KIF22: variants seen among roughly 807,000 people sequenced by gnomAD.
The protein encoded by KIF22 is kinesin family member 22, also known as kinesin-like protein KIF22.
KIF22 carries 62 observed loss-of-function variants against 73.0 expected under a neutral mutation model. The observed-to-expected ratio is 0.85, with a 90% CI of 0.69 to 1.05. The LOEUF is 1.05. Ranked by LOEUF, KIF22 falls within the 50% of genes least tolerant of loss-of-function variation. KIF22 has a pLI of 0.00. For synonymous variants in KIF22, 411 were observed against 340.1 expected (o/e 1.21, Z -2.29); for missense variants, 854 against 870.1 (o/e 0.98, Z 0.23).
intron 1 of KIF22, among the ~76,000 whole-genome samples, chr16:29,792,204 A>C (rs1348716349): frequency 6.6e-6 from 1 of 152,168 alleles, no homozygotes; most frequent in Non-Finnish European, 1.5e-5. Flanking sequence ...CATCAATAAA[A>C]GGGAGAAGAG....
chr16:29,804,384 C>T (rs1899267501), intron 11 of KIF22: 1 of 607,368 alleles, frequency 1.6e-6, no homozygotes, highest in African/African-American at 1.8e-5. Context: ...CACACATATG[C>T]ACATACCCAG....
At chr16:29,793,177 T>C (rs1898861300) in intron 1 of KIF22, among the ~76,000 whole-genome samples, 1 of 152,156 alleles carries the variant, frequency 6.6e-6, no homozygotes, top group Non-Finnish European at 1.5e-5. Flanking sequence ...TCGGCTGGGC[T>C]CACGCCTGTA....
chr16:29,804,565 G>C (rs1369848761), intron 11 of KIF22: 2 of 684,056 alleles, frequency 2.9e-6, no homozygotes, highest in South Asian at 1.5e-5. Context: ...TAACTCACTT[G>C]ATCTCCACAG....
intron 1 of KIF22, among the ~76,000 whole-genome samples, chr16:29,792,729 G>GAGC (rs1898850576): frequency 1.3e-5 from 2 of 152,172 alleles, no homozygotes; most frequent in East Asian, 1.9e-4. Context: ...GTGGGGTGGG[G>GAGC]AGCAATGCAG....
At position 29,802,831 on chromosome 16, in the gene KIF22, G is replaced by A. The variant is rs896342388; in HGVS notation, c.1343G>A (p.Arg448His). ...AMLERLLSLD[R>H]LLASQGSQGA... ...CTGGAGCGCCTCCTCAGCTTGGACCGTCTGCTTGCCTCCCAGGGGAGCCAG... is the reference window on the plus strand; with the variant it reads ...CTGGAGCGCCTCCTCAGCTTGGACCATCTGCTTGCCTCCCAGGGGAGCCAG... Residue 448 changes from arginine (R) to histidine (H), a missense_variant, in exon 9 of 14, where the codon CGT becomes CAT. Arg to His is a conservative substitution (Grantham distance 29, BLOSUM62 0). Transcript: ENST00000160827. 41 of 1,610,916 alleles carry A rather than the reference G, an allele frequency of 2.5e-5. No individual in the cohort carries two copies. Among genetic ancestry groups the A allele is most frequent in the Admixed American group, 3.4e-5 (2 of 59,400 alleles).
At position 29,805,026 on chromosome 16, in the gene KIF22, G is replaced by C; in HGVS notation, c.1890G>C (p.Gln630His). ...GWRELHGPFS[Q>H]VEDLERVEGI... ...GGGAGCTCCACGGCCCCTTCAGCCA[G>C]GTAGCAGCCCACTGGACTGGGGGAG... The change falls in exon 12 of 14, where the codon CAG becomes CAC. Residue 630 changes from glutamine (Q) to histidine (H), a missense_variant and splice_region_variant. By Grantham distance (24) the Gln-to-His change is conservative. Transcript: ENST00000160827. The C allele has an allele frequency of 6.2e-7, 1 of 1,611,282 alleles. No homozygotes were observed. The highest frequency in any genetic ancestry group is 8.5e-7 in the Non-Finnish European group (1 of 1,178,846).
chr16:29,790,982 C>G, intron 1 of KIF22, 153 bp downstream of exon 1: 6 of 1,462,254 alleles, frequency 4.1e-6, no homozygotes, highest in Non-Finnish European at 5.4e-6. Flanking sequence ...TGTGGGGTCG[C>G]GAGCCGGTCG....
chr16:29,797,004 G>A lies in KIF22; in HGVS notation c.182G>A (p.Ser61Asn). Reference protein sequence around the residue: ...RPFVDGTAGASDPPCVRGMDS... With the variant: ...RPFVDGTAGANDPPCVRGMDS... Reference sequence around the variant, plus strand: ...TTTGTGGATGGAACAGCGGGAGCAAGTGATCCCCCCTGTGTGCGGGGCATG... The same window carrying A: ...TTTGTGGATGGAACAGCGGGAGCAAATGATCCCCCCTGTGTGCGGGGCATG... The change falls in exon 2 of 14, where the codon AGT becomes AAT. Residue 61 changes from serine (S) to asparagine (N), a missense_variant. Physicochemically the swap from Ser to Asn is conservative, Grantham distance 46. Transcript: ENST00000160827. The surrounding 1 kb of genome is among the most constrained non-coding windows in gnomAD (Gnocchi z 4.1). 1 of 1,614,088 alleles carries A rather than the reference G, an allele frequency of 6.2e-7. No homozygotes were observed. The highest frequency in any genetic ancestry group is 8.5e-7 in the Non-Finnish European group (1 of 1,179,960).
intron 11 of KIF22, 118 bp downstream of exon 11, chr16:29,804,183 T>C (rs1338658381): frequency 6.3e-6 from 5 of 795,196 alleles, no homozygotes; most frequent in Non-Finnish European, 1.1e-5. Context: ...CGCCAGCTAC[T>C]AACAGACCTC....
rs957857696 is a variant in KIF22, at chr16:29,803,532, G to T, written c.1533G>T (p.Met511Ile). ...AAAAGGAGAACCATTGTCCCACAAT[G>T]CTCCGGCCCCTTTCACATCGCACAG... The part of the protein sequence containing the change: ...AEEKENHCPT[M>I]LRPLSHRTVT... The change falls in exon 10 of 14, where the codon ATG (methionine) becomes ATT (isoleucine). Residue 511 changes from methionine to isoleucine, a missense_variant. This residue lies in a region of KIF22 where 423 missense variants were observed against 365.4 expected (regional missense o/e 1.16). Coordinates refer to ENST00000160827, the MANE Select transcript of KIF22 (RefSeq NM_007317.3). 1.2e-6 allele frequency: 2 copies of T among 1,614,004 alleles called. No individual in the cohort carries two copies. Among genetic ancestry groups the T allele is most frequent in the African/African-American group, 2.7e-5 (2 of 74,950 alleles).
In KIF22 at chr16:29,805,176, TGA is replaced by T. The variant is rs1899329327; in HGVS notation, c.1950+3_1950+4del. ...AAACAGATGGAGTCCTTCCTGAAGG[TGA>T]AGTCACGGCCCTGCCCCTCCTCTGC... On this transcript the variant is annotated splice_donor_region_variant and intron_variant, in intron 13 of 13. Coordinates refer to ENST00000160827, the MANE Select transcript of KIF22 (RefSeq NM_007317.3). 2 of 1,613,804 alleles carry T rather than the reference TGA, an allele frequency of 1.2e-6. No individual in the cohort carries two copies. The highest frequency in any genetic ancestry group is 1.7e-6 in the Non-Finnish European group (2 of 1,179,976).
intron 1 of KIF22, among the ~76,000 whole-genome samples, chr16:29,793,098 AAGG>A (rs1164555417): frequency 6.6e-6 from 1 of 152,186 alleles, no homozygotes; most frequent in Non-Finnish European, 1.5e-5. Flanking sequence ...TCAGAGATCA[AAGG>A]AGGAGGCTGC....
intron 1 of KIF22, 132 bp from the exon 2 acceptor site, chr16:29,796,761 T>C: frequency 1.3e-6 from 1 of 787,928 alleles, no homozygotes; most frequent in Non-Finnish European, 2.1e-6. Context: ...CTTAGGGGTG[T>C]CCACAACATG....
At position 29,802,815 on chromosome 16, in the gene KIF22, C is replaced by G. The variant is rs1253479555; in HGVS notation, c.1327C>G (p.Leu443Val). ...SSMDPAMLERLLSLDRLLASQ... is the reference protein window; with the variant it reads ...SSMDPAMLERVLSLDRLLASQ... ...CATGGACCCGGCCATGCTGGAGCGCCTCCTCAGCTTGGACCGTCTGCTTGC... is the reference window on the plus strand; with the variant it reads ...CATGGACCCGGCCATGCTGGAGCGCGTCCTCAGCTTGGACCGTCTGCTTGC... The change falls in exon 9 of 14, where the codon CTC (leucine) becomes GTC (valine). Residue 443 changes from leucine to valine, a missense_variant. This residue lies in a region of KIF22 where 423 missense variants were observed against 365.4 expected (regional missense o/e 1.16). Transcript: ENST00000160827. The G allele has an allele frequency of 8.7e-6, 14 of 1,607,582 alleles. No individual in the cohort carries two copies. The highest frequency in any genetic ancestry group is 1.2e-5 in the Non-Finnish European group (14 of 1,177,874).
chr16:29,794,853 G>A (rs1455466505), intron 1 of KIF22, among the ~76,000 whole-genome samples: 1 of 152,164 alleles, frequency 6.6e-6, no homozygotes, highest in Non-Finnish European at 1.5e-5. Flanking sequence ...TGGGATTACA[G>A]GCATGAACCA....
Position 29,802,926 on chromosome 16 carries a change from C to G in KIF22, c.1438C>G (p.Leu480Val), listed in dbSNP as rs774808227. Residue 480 changes from leucine (L) to valine (V), a missense_variant, in exon 9 of 14, where the codon CTA becomes GTA. By Grantham distance (32) the Leu-to-Val change is conservative. This residue lies in a region of KIF22 where 423 missense variants were observed against 365.4 expected (regional missense o/e 1.16). Transcript: ENST00000160827. ...AATGAAGACAGTGGAAGAGAAGGACCTAGAGATTGAGGTACGTGTTTTAGG... is the reference window on the plus strand; with the variant it reads ...AATGAAGACAGTGGAAGAGAAGGACGTAGAGATTGAGGTACGTGTTTTAGG... ...VLMKTVEEKDLEIERLKTKQK... is the reference protein window; with the variant it reads ...VLMKTVEEKDVEIERLKTKQK... 1 of 1,612,050 alleles carries G rather than the reference C, an allele frequency of 6.2e-7. No homozygotes were observed. The highest frequency in any genetic ancestry group is 1.1e-5 in the South Asian group (1 of 90,582).
In KIF22 at chr16:29,798,352, A is replaced by ATTTC. The variant is rs794727510; in HGVS notation, c.267-11_267-8dup. On this transcript the variant is annotated intron_variant, in intron 2 of 13. Transcript: ENST00000160827. This position sits in a 1 kb window ranked among gnomAD's most constrained non-coding sequence, Gnocchi z 4.1. Reference sequence around the variant, plus strand: ...CACACACACACACACACACACGCTAATTTCTTTCTTTCTTCCTGCAGGTTT... The same window carrying ATTTC: ...CACACACACACACACACACACGCTAATTTCTTTCTTTCTTTCTTCCTGCAGGTTT... The ATTTC allele has an allele frequency of 6.7e-7, 1 of 1,500,598 alleles. No homozygotes were observed. Among genetic ancestry groups the ATTTC allele is most frequent in the South Asian group, 1.1e-5 (1 of 89,490 alleles). The allele number at this position is 1,500,598 out of a possible 1,614,324, so 93.0% of individuals were successfully genotyped here.
chr16:29,804,684 T>C, intron 11 of KIF22, 130 bp from the exon 12 acceptor site: 1 of 760,176 alleles, frequency 1.3e-6, no homozygotes, highest in Non-Finnish European at 2.3e-6. Flanking sequence ...GGGCGGGATT[T>C]TGGACACACT....
chr16:29,804,314 C>A, intron 11 of KIF22: 1 of 604,074 alleles, frequency 1.7e-6, no homozygotes, highest in Non-Finnish European at 2.9e-6. Context: ...GGCTTCTACC[C>A]TCTACAAGCT....
Sources: allele counts gnomAD v4.1 joint callset (sites outside exome capture counted in the v4.1 genomes callset), GRCh38; gene constraint gnomAD v4.1.1; regional missense constraint gnomAD v4.1.1; non-coding constraint Gnocchi (gnomAD v3.1); transcripts MANE v1.5; gene names NCBI Gene and HGNC (gene_info 2026-07-23, HGNC 2026-07-21).